MMP24: variants seen among roughly 807,000 people sequenced by gnomAD.
The protein encoded by MMP24 is matrix metallopeptidase 24.
MMP24 carries 25 observed loss-of-function variants against 62.8 expected under a neutral mutation model. The ratio of observed to expected loss-of-function variants is 0.40; its 90% CI spans 0.29 to 0.56. MMP24 has a LOEUF of 0.56. Ranked by LOEUF, MMP24 falls within the 20% of genes least tolerant of loss-of-function variation. MMP24 has a pLI of 0.50. For synonymous variants in MMP24, 319 were observed against 350.5 expected, an observed-to-expected ratio of 0.91 and a Z score of 1.00; for missense variants, 634 against 853.6, an observed-to-expected ratio of 0.74 and a Z score of 3.21.
At position 35,271,495 on chromosome 20, in the gene MMP24, A is replaced by C. The variant is rs540915070; in HGVS notation, c.1334-74A>C. ...GGGCTGAGGGCATCAGACTGTTTTC[A>C]CCTGACACCCTGAAGATGGGCAAAC... On this transcript the variant is annotated intron_variant, in intron 7 of 8. Coordinates refer to ENST00000246186, the MANE Select transcript of MMP24 (RefSeq NM_006690.4). This position sits in a 1 kb window ranked among gnomAD's most constrained non-coding sequence, Gnocchi z 4.0. 5 of 1,537,548 alleles carry C rather than the reference A, an allele frequency of 3.3e-6. No individual in the cohort carries two copies. In the South Asian group the frequency reaches 6.4e-5, roughly 20 times the overall value.
Position 35,259,563 on chromosome 20 carries a change from C to T in MMP24, c.818-4228C>T, listed in dbSNP as rs1331632383. Among the ~76,000 whole-genome samples the T allele has an allele frequency of 2.0e-5, 3 of 152,286 alleles. No homozygotes were observed. The East Asian group carries it at 5.8e-4, about 29-fold the overall frequency. On this transcript the variant is annotated intron_variant, in intron 4 of 8. Transcript: ENST00000246186. ...AAGTCATGGAAGGCTTCCTGGAAGA[C>T]AGGCATGGAGCTGAACTTTGAAGGA...
chr20:35,232,847 A>T (rs971727703), intron 1 of MMP24, among the ~76,000 whole-genome samples: 2 of 152,220 alleles, frequency 1.3e-5, no homozygotes, highest in Non-Finnish European at 2.9e-5. Flanking sequence ...GTTTCTGAGC[A>T]GAGGAGCGAC....
Position 35,271,198 on chromosome 20 carries a change from C to G in MMP24, c.1334-371C>G, listed in dbSNP as rs1462364095. On this transcript the variant is annotated intron_variant, in intron 7 of 8. Coordinates refer to ENST00000246186, the MANE Select transcript of MMP24 (RefSeq NM_006690.4). This position sits in a 1 kb window ranked among gnomAD's most constrained non-coding sequence, Gnocchi z 4.0. ...CTCTGGGGAGCCAGCCAATGCAGAG[C>G]TGCCGGTAGGCCGAGGGAGGTCAGG... Among the ~76,000 whole-genome samples the G allele has an allele frequency of 1.3e-5, 2 of 152,190 alleles. No homozygotes were observed. The highest frequency in any genetic ancestry group is 4.8e-5 in the African/African-American group (2 of 41,458).
intron 1 of MMP24, among the ~76,000 whole-genome samples, chr20:35,234,539 T>A (rs927406350): frequency 7.2e-5 from 11 of 152,164 alleles, no homozygotes; most frequent in African/African-American, 2.2e-4. Flanking sequence ...CCCTCCCTGA[T>A]GAAGTGGCAT....
rs181472431 is a variant in MMP24, at chr20:35,269,749, C to T, written c.1195-11C>T. On this transcript the variant is annotated splice_polypyrimidine_tract_variant and intron_variant, in intron 6 of 8. Coordinates refer to ENST00000246186, the MANE Select transcript of MMP24 (RefSeq NM_006690.4). The surrounding 1 kb of genome is among the most constrained non-coding windows in gnomAD (Gnocchi z 4.6). ...GACACACCTCTCTCCCCCTCTCCCGCTTCCTCCCAGGATCGCTGGTTCTGG... is the reference window on the plus strand; with the variant it reads ...GACACACCTCTCTCCCCCTCTCCCGTTTCCTCCCAGGATCGCTGGTTCTGG... 5.4e-5 allele frequency: 85 copies of T among 1,566,496 alleles called. No individual in the cohort carries two copies. In the African/African-American group the frequency reaches 9.6e-4, roughly 18 times the overall value.
rs748836797 is a variant in MMP24, at chr20:35,276,399, A to G, written c.*1790A>G. The stretch of plus-strand genomic sequence containing the variant: ...TATTAGCTCACACCTGTCCACTCAC[A>G]TGAAACTCGTGTTAGGCCCTGGGAG... On this transcript the variant is annotated 3_prime_UTR_variant, in exon 9 of 9. Transcript: ENST00000246186. 11 of 398,218 alleles carry G rather than the reference A, an allele frequency of 2.8e-5. No homozygotes were observed. Among genetic ancestry groups the G allele is most frequent in the African/African-American group, 4.1e-5 (2 of 48,636 alleles). 24.7% of individuals were successfully genotyped at this position (398,218 alleles called of 1,614,324 possible).
At chr20:35,261,126 A>G (rs2060600313) in intron 4 of MMP24, among the ~76,000 whole-genome samples, 1 of 152,166 alleles carries the variant, frequency 6.6e-6, no homozygotes, top group South Asian at 2.1e-4. Context: ...TCCACAGCCT[A>G]CCTGACTCCC....
chr20:35,229,392 A>T (rs2060428273), intron 1 of MMP24, among the ~76,000 whole-genome samples: 1 of 152,196 alleles, frequency 6.6e-6, no homozygotes, highest in Non-Finnish European at 1.5e-5. Context: ...ATCCCCTTTC[A>T]TTCACGGAAG....
At chr20:35,230,445 T>A (rs1452725954) in intron 1 of MMP24, among the ~76,000 whole-genome samples, 3 of 152,268 alleles carry the variant, frequency 2.0e-5, no homozygotes, top group Non-Finnish European at 4.4e-5. Context: ...AATCAATGAT[T>A]CTACTCTTTA....
At chr20:35,246,694 G>T in intron 1 of MMP24, 146 bp from the exon 2 acceptor site, 4 of 856,494 alleles carry the variant, frequency 4.7e-6, no homozygotes, top group Admixed American at 2.4e-5. Flanking sequence ...AGTGTCTGCA[G>T]GATGGGGTGA....
intron 1 of MMP24, 86 bp downstream of exon 1, chr20:35,227,070 C>T (rs1008084849): frequency 2.1e-6 from 2 of 950,892 alleles, no homozygotes; most frequent in African/African-American, 1.8e-5. Context: ...CTGGGCCGGG[C>T]CGCACCTACT....
intron 1 of MMP24, 150 bp from the exon 2 acceptor site, chr20:35,246,690 T>A: frequency 1.2e-6 from 1 of 819,930 alleles, no homozygotes; most frequent in South Asian, 1.8e-5. Flanking sequence ...TGACAGTGTC[T>A]GCAGGATGGG....
Position 35,275,691 on chromosome 20 carries a change from G to C in MMP24, c.*1082G>C, listed in dbSNP as rs2060699948. 1 of 231,426 alleles carries C rather than the reference G, an allele frequency of 4.3e-6. No individual in the cohort carries two copies. The highest frequency in any genetic ancestry group is 8.3e-6 in the Non-Finnish European group (1 of 120,442). 14.3% of individuals were successfully genotyped at this position (231,426 alleles called of 1,614,324 possible). ...TCGGAAGGGGACCAGGGCGTCTGAA[G>C]TGCTCAGTGCCCCCACTACTCTGAG... On this transcript the variant is annotated 3_prime_UTR_variant, in exon 9 of 9. Coordinates refer to ENST00000246186, the MANE Select transcript of MMP24 (RefSeq NM_006690.4).
chr20:35,243,676 A>G (rs182917856), intron 1 of MMP24, among the ~76,000 whole-genome samples: 137 of 152,288 alleles, frequency 9.0e-4, no homozygotes, highest in South Asian at 2.1e-4. Context: ...CAATCTTATA[A>G]TATCTATAAT....
intron 3 of MMP24, among the ~76,000 whole-genome samples, chr20:35,252,305 G>GA (rs1464272835): frequency 1.3e-5 from 2 of 152,176 alleles, no homozygotes; most frequent in Non-Finnish European, 2.9e-5. Context: ...TAGGTTACAG[G>GA]AAGTGGGGTA....
At chr20:35,260,246 G>A (rs1212945126) in intron 4 of MMP24, among the ~76,000 whole-genome samples, 1 of 152,166 alleles carries the variant, frequency 6.6e-6, no homozygotes, top group Non-Finnish European at 1.5e-5. Context: ...TTGGGTTTCT[G>A]TGCAGCAGGA....
In MMP24 at chr20:35,271,229, TG is replaced by T. The variant is rs1269808894; in HGVS notation, c.1334-338del. On this transcript the variant is annotated intron_variant, in intron 7 of 8. Coordinates refer to ENST00000246186, the MANE Select transcript of MMP24 (RefSeq NM_006690.4). The surrounding 1 kb of genome is among the most constrained non-coding windows in gnomAD (Gnocchi z 4.0). Reference sequence around the variant, plus strand: ...GTAGGCCGAGGGAGGTCAGGGTTTCTGGCTCTGCTGCTCAGGTCCAGTGGGA... The same window carrying T: ...GTAGGCCGAGGGAGGTCAGGGTTTCTGCTCTGCTGCTCAGGTCCAGTGGGA... 1.3e-5 allele frequency among the ~76,000 whole-genome samples: 2 copies of T among 152,174 alleles called. No individual in the cohort carries two copies. Among genetic ancestry groups the T allele is most frequent in the African/African-American group, 4.8e-5 (2 of 41,444 alleles).
Position 35,276,421 on chromosome 20 carries a change from G to C in MMP24, c.*1812G>C, listed in dbSNP as rs2060706554. The C allele has an allele frequency of 2.5e-6, 1 of 398,002 alleles. No individual in the cohort carries two copies. The highest frequency in any genetic ancestry group is 3.6e-5 in the East Asian group (1 of 28,074). 24.7% of individuals were successfully genotyped at this position (398,002 alleles called of 1,614,324 possible). On this transcript the variant is annotated 3_prime_UTR_variant, in exon 9 of 9. Coordinates refer to ENST00000246186, the MANE Select transcript of MMP24 (RefSeq NM_006690.4). ...CACATGAAACTCGTGTTAGGCCCTGGGAGGCCGACGGTAACTCTCACCGTG... is the reference window on the plus strand; with the variant it reads ...CACATGAAACTCGTGTTAGGCCCTGCGAGGCCGACGGTAACTCTCACCGTG...
intron 4 of MMP24, among the ~76,000 whole-genome samples, chr20:35,260,688 G>A (rs1268683971): frequency 6.6e-6 from 1 of 152,264 alleles, no homozygotes; most frequent in African/African-American, 2.4e-5. Context: ...TCTCATGCCA[G>A]CAGAAGGCCA....
Sources: allele counts gnomAD v4.1 joint callset (sites outside exome capture counted in the v4.1 genomes callset), GRCh38; gene constraint gnomAD v4.1.1; non-coding constraint Gnocchi (gnomAD v3.1); transcripts MANE v1.5; gene names NCBI Gene and HGNC (gene_info 2026-07-23, HGNC 2026-07-21).